AP1S3: variants seen among roughly 807,000 people sequenced by gnomAD.
AP1S3 encodes the protein adaptor related protein complex 1 subunit sigma 3, also known as AP-1 complex subunit sigma-3.
In AP1S3, 10 loss-of-function variants were observed where a neutral mutation model predicts 20.9. The ratio of observed to expected loss-of-function variants is 0.48; its 90% confidence interval spans 0.29 to 0.81. AP1S3 has a LOEUF of 0.81. Ranked by LOEUF, AP1S3 falls within the 30% of genes least tolerant of loss-of-function variation. The pLI is 0.08. For synonymous variants in AP1S3, 41 were observed against 61.5 expected (o/e 0.67, Z 1.56); for missense variants, 154 against 183.8 (o/e 0.84, Z 0.94).
In AP1S3 at chr2:223,812,931, GT is replaced by G. The variant is rs1026427278; in HGVS notation, c.3+24516del. Among the ~76,000 whole-genome samples the G allele has an allele frequency of 1.6e-4, 23 of 148,258 alleles. No homozygotes were observed. In the East Asian group the frequency reaches 2.2e-3, roughly 14 times the overall value. ...GTTGCCATTTTGTGTGGGGTTTTTT[GT>G]TTTTTTTTTAATTTGAGATAGAGTC... On this transcript the variant is annotated intron_variant, in intron 1 of 4. Transcript: ENST00000396654.
intron 1 of AP1S3, among the ~76,000 whole-genome samples, chr2:223,790,069 G>A (rs1354434294): frequency 6.6e-6 from 1 of 152,104 alleles, no homozygotes; most frequent in East Asian, 1.9e-4. Context: ...AAAGAGAGCA[G>A]CCTGAGATTC....
At position 223,756,462 on chromosome 2, in the gene AP1S3, AAAGAAAAGAAAGAAAG is replaced by A; in HGVS notation, c.*2237_*2252del. On this transcript the variant is annotated 3_prime_UTR_variant, in exon 5 of 5. Transcript: ENST00000396654. The stretch of plus-strand genomic sequence containing the variant: ...AAGAAAGGAAGGAAAAGAAAGAAAG[AAAGAAAAGAAAGAAAG>A]AAAGAAAAAAAGAAAGAAAAAATTC... The A allele has an allele frequency of 1.2e-6, 1 of 861,410 alleles. No individual in the cohort carries two copies. Among genetic ancestry groups the A allele is most frequent in the Non-Finnish European group, 1.4e-6 (1 of 716,712 alleles). The allele number at this position is 861,410 out of a possible 1,614,324, so 53.4% of individuals were successfully genotyped here. A position where few individuals can be genotyped will look rare whatever the true frequency, so the allele number is the denominator to read the frequency against.
intron 1 of AP1S3, among the ~76,000 whole-genome samples, chr2:223,825,347 C>T (rs1288487700): frequency 1.3e-5 from 2 of 151,680 alleles, no homozygotes; most frequent in Non-Finnish European, 2.9e-5. Flanking sequence ...TCCTCATGGT[C>T]GACCTTCACC....
At position 223,755,870 on chromosome 2, in the gene AP1S3, T is replaced by C; in HGVS notation, c.*2845A>G. ...TCTATGTGTGACACTGATTGAAGTC[T>C]GAGAAGCCCTGTCCATAACTAAAGT... On this transcript the variant is annotated 3_prime_UTR_variant, in exon 5 of 5. Transcript: ENST00000396654. 1.0e-5 allele frequency: 10 copies of C among 985,438 alleles called. No individual in the cohort carries two copies. The highest frequency in any genetic ancestry group is 1.2e-5 in the Non-Finnish European group (10 of 829,924). 61.0% of individuals were successfully genotyped at this position (985,438 alleles called of 1,614,324 possible).
At chr2:223,802,044 G>A (rs1282208157) in intron 1 of AP1S3, among the ~76,000 whole-genome samples, 1 of 152,134 alleles carries the variant, frequency 6.6e-6, no homozygotes, top group African/African-American at 2.4e-5. Flanking sequence ...ATCAAACGTG[G>A]GCTCTTATCT....
At chr2:223,794,869 T>C (rs569901591) in intron 1 of AP1S3, among the ~76,000 whole-genome samples, 1 of 152,320 alleles carries the variant, frequency 6.6e-6, no homozygotes, top group South Asian at 2.1e-4. Flanking sequence ...GGACGTTCAC[T>C]GTTTCTTCAG....
intron 1 of AP1S3, among the ~76,000 whole-genome samples, chr2:223,816,198 A>C (rs1288792973): frequency 6.6e-6 from 1 of 152,220 alleles, no homozygotes; most frequent in Non-Finnish European, 1.5e-5. Flanking sequence ...ACATATCAAC[A>C]GTGTTAAGTG....
At position 223,758,631 on chromosome 2, in the gene AP1S3, G is replaced by T; in HGVS notation, c.*84C>A. 6.8e-7 allele frequency: 1 copy of T among 1,475,618 alleles called. No homozygotes were observed. Among genetic ancestry groups the T allele is most frequent in the Non-Finnish European group, 9.0e-7 (1 of 1,110,978 alleles). The allele number at this position is 1,475,618 out of a possible 1,614,324, so 91.4% of individuals were successfully genotyped here. On this transcript the variant is annotated 3_prime_UTR_variant, in exon 5 of 5. Coordinates refer to ENST00000396654, the MANE Select transcript of AP1S3 (RefSeq NM_001039569.2). ...AATTATTTTTGGCATGGTGCCTGAG[G>T]CTCCATCAAAAAACCGGATGGGAGG...
intron 1 of AP1S3, among the ~76,000 whole-genome samples, chr2:223,807,395 C>T (rs1691608200): frequency 6.6e-6 from 1 of 152,196 alleles, no homozygotes; most frequent in African/African-American, 2.4e-5. Context: ...CACCTCAACA[C>T]ACTCCACTCA....
At chr2:223,836,677 C>G (rs866116297) in intron 1 of AP1S3, among the ~76,000 whole-genome samples, 1 of 151,930 alleles carries the variant, frequency 6.6e-6, no homozygotes, top group Non-Finnish European at 1.5e-5. Flanking sequence ...GAGGCAGAGC[C>G]GAGACCACAC....
In AP1S3 at chr2:223,777,809, T is replaced by C. The variant is rs149183052; in HGVS notation, c.64A>G (p.Thr22Ala). 1.2e-3 allele frequency: 1,874 copies of C among 1,613,880 alleles called. 2 individuals carry two copies. The highest frequency in any genetic ancestry group is 6.8e-3 in the Middle Eastern group (41 of 6,062). ...TTCTTCCTCTCTTTATCAGGGAGAGTGATGTACCATTTCTGTAGCCGTAAT... is the reference window on the plus strand; with the variant it reads ...TTCTTCCTCTCTTTATCAGGGAGAGCGATGTACCATTTCTGTAGCCGTAAT... ...GKLRLQKWYITLPDKERKKIT... is the reference protein window; with the variant it reads ...GKLRLQKWYIALPDKERKKIT... The change falls in exon 2 of 5, where the codon ACT (threonine) becomes GCT (alanine). Residue 22 changes from threonine (T) to alanine (A), a missense_variant. By Grantham distance (58) the Thr-to-Ala change is moderately conservative. Coordinates refer to ENST00000396654, the MANE Select transcript of AP1S3 (RefSeq NM_001039569.2).
In AP1S3 at chr2:223,837,503, C is replaced by A; in HGVS notation, c.-53G>T. On this transcript the variant is annotated 5_prime_UTR_variant, in exon 1 of 5. Transcript: ENST00000396654. ...TTGCGAGCAAGGAGCGCTGGAGAAG[C>A]GAGGGCGAGAGGCGAGCGCTGGAGC... 2 of 1,244,054 alleles carry A rather than the reference C, an allele frequency of 1.6e-6. No homozygotes were observed. The highest frequency in any genetic ancestry group is 2.0e-6 in the Non-Finnish European group (2 of 985,374). 77.1% of individuals were successfully genotyped at this position (1,244,054 alleles called of 1,614,324 possible). A position where few individuals can be genotyped will look rare whatever the true frequency, so the allele number is the denominator to read the frequency against.
chr2:223,803,431 A>T (rs552887016), intron 1 of AP1S3, among the ~76,000 whole-genome samples: 2 of 152,320 alleles, frequency 1.3e-5, no homozygotes, highest in African/African-American at 4.8e-5. Flanking sequence ...GCTTCTTGCA[A>T]CAACTCATTG....
chr2:223,797,365 T>C (rs928495572), intron 1 of AP1S3, among the ~76,000 whole-genome samples: 1 of 152,176 alleles, frequency 6.6e-6, no homozygotes, highest in African/African-American at 2.4e-5. Context: ...AAGAAAAACA[T>C]GTCAATCACT....
intron 1 of AP1S3, among the ~76,000 whole-genome samples, chr2:223,835,413 T>C (rs1175439213): frequency 6.6e-6 from 1 of 152,176 alleles, no homozygotes; most frequent in Admixed American, 6.5e-5. Flanking sequence ...TGCCAGCACT[T>C]TGGGAGGCCG....
chr2:223,774,892 AAG>A (rs1432633079), intron 3 of AP1S3, among the ~76,000 whole-genome samples: 1 of 151,788 alleles, frequency 6.6e-6, no homozygotes, highest in South Asian at 2.1e-4. Flanking sequence ...CAAGGGGAAG[AAG>A]AGTCACTTAG....
intron 1 of AP1S3, among the ~76,000 whole-genome samples, chr2:223,812,563 G>T (rs1691757106): frequency 6.6e-6 from 1 of 152,144 alleles, no homozygotes; most frequent in Non-Finnish European, 1.5e-5. Flanking sequence ...GTAAATTTTG[G>T]TTCCCTTTCC....
At chr2:223,770,145 A>G (rs1295997461) in intron 3 of AP1S3, 16 of 1,529,440 alleles carry the variant, frequency 1.0e-5, no homozygotes, top group Admixed American at 2.2e-5. Context: ...AGAAATCACA[A>G]TAGATTAGAC....
intron 1 of AP1S3, among the ~76,000 whole-genome samples, chr2:223,836,920 T>C (rs1204570047): frequency 6.6e-6 from 1 of 152,086 alleles, no homozygotes; most frequent in Non-Finnish European, 1.5e-5. Context: ...CTAATCCACC[T>C]GTAGCGCCCC....
Sources: gnomAD v4.1 joint callset for allele counts (sites outside exome capture counted in the v4.1 genomes callset) on GRCh38, gnomAD v4.1.1 for gene constraint, MANE v1.5 for transcripts, NCBI Gene and HGNC (gene_info 2026-07-23, HGNC 2026-07-21) for gene names.